The following PER2 variants were observed in gnomAD, a reference collection of about 807,000 sequenced individuals.
PER2 encodes the protein period circadian protein homolog 2.
PER2 carries 66 observed loss-of-function variants against 121.0 expected under a neutral mutation model. The observed-to-expected ratio is 0.55, with a 90% CI of 0.45 to 0.67. The LOEUF is 0.67. Among genes scored for constraint, PER2 ranks in the 30% least tolerant of loss-of-function variants. The pLI is 0.00. For synonymous variants in PER2, 684 were observed against 659.9 expected (o/e 1.04, Z -0.56); for missense variants, 1,521 against 1,635.0 (o/e 0.93, Z 1.20).
At chr2:238,251,566 C>T (rs369518698) in intron 20 of PER2, 33 bp downstream of exon 20, 5 of 1,607,122 alleles carry the variant, frequency 3.1e-6, no homozygotes, top group Non-Finnish European at 3.4e-6. Flanking sequence ...AGGAACCTCC[C>T]AAGTGCCTAA....
At chr2:238,297,918 G>A in the PER2 span, among the ~76,000 whole-genome samples, 1 of 152,224 alleles carries the variant, frequency 6.6e-6, no homozygotes, top group South Asian at 2.1e-4. Flanking sequence ...GGCTTGCCTC[G>A]TGTGGCTCAT....
upstream of PER2, among the ~76,000 whole-genome samples, chr2:238,293,447 C>T (rs996303205): frequency 4.6e-5 from 7 of 152,002 alleles, no homozygotes; most frequent in Non-Finnish European, 1.5e-5. Context: ...GGATTAAAAC[C>T]TCAAACTTTC....
upstream of PER2, among the ~76,000 whole-genome samples, chr2:238,288,817 G>A (rs1254083970): frequency 1.3e-5 from 2 of 151,820 alleles, no homozygotes; most frequent in Non-Finnish European, 2.9e-5. Flanking sequence ...GACCGCGCGC[G>A]CCGCGCCCGC....
At chr2:238,264,912 T>C (rs1330370190) in intron 9 of PER2, among the ~76,000 whole-genome samples, 3 of 152,192 alleles carry the variant, frequency 2.0e-5, no homozygotes, top group Non-Finnish European at 4.4e-5. Flanking sequence ...AGTGCTAGGA[T>C]TATAAGTGTG....
At chr2:238,288,810 C>G (rs1450433970), upstream of PER2, among the ~76,000 whole-genome samples, 1 of 151,794 alleles carries the variant, frequency 6.6e-6, no homozygotes, top group African/African-American at 2.4e-5. Flanking sequence ...AAAACGTGAC[C>G]GCGCGCGCCG....
chr2:238,276,537 A>G lies in PER2; in HGVS notation c.293+594T>C, dbSNP rs1696461141. 5.3e-5 allele frequency among the ~76,000 whole-genome samples: 8 copies of G among 152,334 alleles called. No homozygotes were observed. In the South Asian group the frequency reaches 1.7e-3, roughly 32 times the overall value. On this transcript the variant is annotated intron_variant, in intron 3 of 22. Transcript: ENST00000254657. The stretch of plus-strand genomic sequence containing the variant: ...TAAAGAAGGACTGAGTGATGGGATT[A>G]CAGAGGACAGCAAAGTGACTTCCTG...
upstream of PER2, chr2:238,289,742 CA>C (rs1420587684): frequency 2.0e-5 from 3 of 152,258 alleles, no homozygotes; most frequent in African/African-American, 7.2e-5. Context: ...ACGCAGGAGC[CA>C]GGGGTAGGAG....
upstream of PER2, chr2:238,290,057 C>T (rs1696921768): frequency 6.6e-6 from 1 of 152,262 alleles, no homozygotes; most frequent in Non-Finnish European, 1.5e-5. Context: ...AGGGATGGGA[C>T]AGAAGGAAAA....
At chr2:238,260,691 A>G in intron 13 of PER2, 137 bp downstream of exon 13, 1 of 949,774 alleles carries the variant, frequency 1.1e-6, no homozygotes, top group Non-Finnish European at 1.7e-6. Flanking sequence ...CCAAGTGGAC[A>G]AAGTTTAGAA....
chr2:238,260,945 G>A lies in PER2; in HGVS notation c.1425C>T (p.Pro475=). The A allele has an allele frequency of 6.2e-7, 1 of 1,613,170 alleles. No individual in the cohort carries two copies. Among genetic ancestry groups the A allele is most frequent in the Non-Finnish European group, 8.5e-7 (1 of 1,179,982 alleles). ...TCCCGTAGCCACTGGAGCCGCTGTG[G>A]GGGACGGGCTGGGGAGACAGCAGAC... is the stretch of plus-strand genomic sequence containing the variant. ...QIHRLLLQPV[P]HSGSSGYGSL... Residue 475 remains proline, a synonymous_variant, in exon 13 of 23, where the codon CCC becomes CCT. Coordinates refer to ENST00000254657, the MANE Select transcript of PER2 (RefSeq NM_022817.3).
In PER2 at chr2:238,253,339, GGT is replaced by G; in HGVS notation, c.2682_2683del (p.Pro895PhefsTer53). The G allele has an allele frequency of 6.2e-7, 1 of 1,613,852 alleles. No individual in the cohort carries two copies. Among genetic ancestry groups the G allele is most frequent in the South Asian group, 1.1e-5 (1 of 91,028 alleles). ...GACAGGCGCCAAAGGGGCAGGGAAAGGTGGGGGCTGGACTGCAAACTGGTGCT... is the reference window on the plus strand; with the variant it reads ...GACAGGCGCCAAAGGGGCAGGGAAAGGGGGGCTGGACTGCAAACTGGTGCT... On this transcript the variant is annotated frameshift_variant, in exon 19 of 23. Coordinates refer to ENST00000254657, the MANE Select transcript of PER2 (RefSeq NM_022817.3). LOFTEE classifies it high-confidence loss of function. This position sits in a 1 kb window ranked among gnomAD's most constrained non-coding sequence, Gnocchi z 5.6.
At chr2:238,248,879 TCTC>T in intron 22 of PER2, 180 bp downstream of exon 22, 1 of 695,028 alleles carries the variant, frequency 1.4e-6, no homozygotes, top group South Asian at 1.4e-5. Flanking sequence ...ATGGTCTCGA[TCTC>T]CTGACCTCGT....
chr2:238,275,970 G>T (rs1177143701), intron 3 of PER2, 73 bp from the exon 4 acceptor site: 47 of 1,517,420 alleles, frequency 3.1e-5, no homozygotes, highest in Non-Finnish European at 3.0e-5. Context: ...CGTGCCTCTT[G>T]CCCATTTTCT....
the PER2 span, chr2:238,298,234 C>A: frequency 1.3e-5 from 2 of 152,044 alleles, no homozygotes; most frequent in African/African-American, 4.8e-5. Context: ...TGGGGTTTCA[C>A]CGTGTTAGCC....
chr2:238,251,711 G>C lies in PER2; in HGVS notation c.3162C>G (p.Ser1054Arg), dbSNP rs149339333. The C allele has an allele frequency of 6.2e-7, 1 of 1,613,798 alleles. No homozygotes were observed. Among genetic ancestry groups the C allele is most frequent in the East Asian group, 2.2e-5 (1 of 44,884 alleles). Residue 1054 changes from serine (S) to arginine (R), a missense_variant, in exon 20 of 23, where the codon AGC (serine) becomes AGG (arginine). Physicochemically the swap from Ser to Arg is moderately radical, Grantham distance 110. Coordinates refer to ENST00000254657, the MANE Select transcript of PER2 (RefSeq NM_022817.3). ...TQNSDALSTS[S>R]GLLNLLLNED... ...CATTCAGCAGGAGGTTTAGGAGGCC[G>C]CTTGACGTGGAAAGGGCGTCACTGT...
intron 1 of PER2, among the ~76,000 whole-genome samples, chr2:238,282,668 C>T (rs994490640): frequency 6.6e-6 from 1 of 152,220 alleles, no homozygotes; most frequent in Non-Finnish European, 1.5e-5. Flanking sequence ...ACTGACTTGC[C>T]CTTATTCGCT....
At chr2:238,249,345 T>A in intron 21 of PER2, 133 bp from the exon 22 acceptor site, 2 of 835,960 alleles carry the variant, frequency 2.4e-6, no homozygotes, top group Non-Finnish European at 3.7e-6. Flanking sequence ...AATTTTCATT[T>A]AAGGTAACTT....
the PER2 span, chr2:238,298,496 T>C: frequency 6.6e-6 from 1 of 152,188 alleles, no homozygotes; most frequent in African/African-American, 2.4e-5. Flanking sequence ...TCCATACCTC[T>C]GGTAAGTGGG....
Position 238,251,776 on chromosome 2 carries a change from A to G in PER2, c.3112-15T>C, listed in dbSNP as rs1393958296. 2 of 1,372,272 alleles carry G rather than the reference A, an allele frequency of 1.5e-6. No individual in the cohort carries two copies. Among genetic ancestry groups the G allele is most frequent in the Non-Finnish European group, 1.9e-6 (2 of 1,027,700 alleles). The allele number at this position is 1,372,272 out of a possible 1,614,324, so 85.0% of individuals were successfully genotyped here. ...GGTTCATCACGCTTTAGGGACAGGA[A>G]GCAGATACTGCTGTTCAGGGGCTCA... On this transcript the variant is annotated splice_polypyrimidine_tract_variant and intron_variant, in intron 19 of 22. Transcript: ENST00000254657.
Sources: allele counts gnomAD v4.1 joint callset (sites outside exome capture counted in the v4.1 genomes callset), GRCh38; gene constraint gnomAD v4.1.1; non-coding constraint Gnocchi (gnomAD v3.1); transcripts MANE v1.5; gene names NCBI Gene and HGNC (gene_info 2026-07-23, HGNC 2026-07-21).